Variants in VXN observed in about 807,000 individuals in gnomAD.
VXN encodes vexin, also known as uncharacterized protein C8orf46.
In VXN, 7 loss-of-function variants were observed where a neutral mutation model predicts 23.1. That is an observed-to-expected ratio of 0.30 (90% CI 0.17 to 0.57). The LOEUF is 0.57. Ranked by LOEUF, VXN falls within the 20% of genes least tolerant of loss-of-function variation. VXN has a pLI of 0.91. For synonymous variants in VXN, 120 were observed against 105.8 expected (o/e 1.13, Z -0.83); for missense variants, 238 against 272.6 (o/e 0.87, Z 0.89).
intron 4 of VXN, among the ~76,000 whole-genome samples, chr8:66,512,267 A>G (rs1300626220): frequency 6.6e-6 from 1 of 152,156 alleles, no homozygotes; most frequent in Non-Finnish European, 1.5e-5. Flanking sequence ...GAAAGGGGAA[A>G]AGAGTGGGAA....
At chr8:66,505,661 T>C (rs1807746478) in intron 3 of VXN, 133 bp downstream of exon 3, 1 of 1,133,470 alleles carries the variant, frequency 8.8e-7, no homozygotes, top group Non-Finnish European at 1.2e-6. Flanking sequence ...CAAGCACCTG[T>C]GCTTTCCCAA....
chr8:66,513,877 T>A (rs1399819323), intron 5 of VXN: 9 of 471,088 alleles, frequency 1.9e-5, no homozygotes, highest in Non-Finnish European at 2.2e-5. Flanking sequence ...TTAACGCCAC[T>A]CTTTAGGCTT....
chr8:66,515,778 C>T lies in VXN; in HGVS notation c.441-115C>T, dbSNP rs115986346. ...AGTGACCTTACAGCTACGTGGATCC[C>T]GGTCACTGAGGAGGAGCAGAGGAGA... On this transcript the variant is annotated intron_variant, in intron 5 of 5. Transcript: ENST00000305454. The T allele has an allele frequency of 5.5e-4, 482 of 876,370 alleles. 2 individuals carry two copies. The African/African-American group carries it at 7.3e-3, about 13-fold the overall frequency. The allele number at this position is 876,370 out of a possible 1,614,324, so 54.3% of individuals were successfully genotyped here.
chr8:66,516,305 A>G lies in VXN; in HGVS notation c.*229A>G, dbSNP rs1807895323. The G allele has an allele frequency of 2.7e-6, 1 of 368,608 alleles. No individual in the cohort carries two copies. The highest frequency in any genetic ancestry group is 1.0e-4 in the South Asian group (1 of 9,840). The allele number at this position is 368,608 out of a possible 1,614,324, so 22.8% of individuals were successfully genotyped here. ...TGCTAAAGCCATTGGTCTGAAAGTG[A>G]CTTTGGGAGGTCATAAAGTTTGTAT... On this transcript the variant is annotated 3_prime_UTR_variant, in exon 6 of 6. Transcript: ENST00000305454.
In VXN at chr8:66,493,670, T is replaced by C. The variant is rs1168513303; in HGVS notation, c.22T>C (p.Cys8Arg). 1 of 1,613,512 alleles carries C rather than the reference T, an allele frequency of 6.2e-7. No homozygotes were observed. Among genetic ancestry groups the C allele is most frequent in the South Asian group, 1.1e-5 (1 of 91,042 alleles). The change falls in exon 1 of 6, where the codon TGC becomes CGC. Residue 8 changes from cysteine (C) to arginine (R), a missense_variant. Physicochemically the swap from Cys to Arg is radical, Grantham distance 180. This residue lies in a region of VXN where 15 missense variants were observed against 35.7 expected (regional missense o/e 0.42). Transcript: ENST00000305454. MMHQIYS[C>R]SDENIEVFTT... Reference sequence around the variant, plus strand: ...TGAAATGATGCATCAGATTTACAGCTGCAGTGACGAGAACATAGAAGTTTT... The same window carrying C: ...TGAAATGATGCATCAGATTTACAGCCGCAGTGACGAGAACATAGAAGTTTT...
chr8:66,512,278 C>A (rs571154560), intron 4 of VXN, among the ~76,000 whole-genome samples: 3 of 152,104 alleles, frequency 2.0e-5, no homozygotes, highest in Non-Finnish European at 4.4e-5. Flanking sequence ...AGAGTGGGAA[C>A]AAGTCCTTTC....
At chr8:66,498,909 G>C (rs1807657474) in intron 2 of VXN, 1 of 446,358 alleles carries the variant, frequency 2.2e-6, no homozygotes, top group Admixed American at 2.4e-5. Context: ...CTGCAGAAGA[G>C]AGGGGTTAGG....
intron 2 of VXN, chr8:66,505,168 T>G: frequency 1.4e-6 from 1 of 739,150 alleles, no homozygotes; most frequent in Non-Finnish European, 2.4e-6. Context: ...CATGGCACCA[T>G]TTGGCAGTCT....
intron 2 of VXN, chr8:66,503,367 T>C (rs1191659653): frequency 6.6e-6 from 1 of 152,172 alleles, no homozygotes; most frequent in Non-Finnish European, 1.5e-5. Flanking sequence ...TTCTCTATTA[T>C]CTCCGTCTTC....
chr8:66,503,169 AG>A (rs1807710529), intron 2 of VXN, among the ~76,000 whole-genome samples: 2 of 152,144 alleles, frequency 1.3e-5, no homozygotes. Flanking sequence ...TTCTATATTC[AG>A]GTTTACCAAG....
At chr8:66,511,082 G>A (rs1438941889) in intron 4 of VXN, among the ~76,000 whole-genome samples, 1 of 152,214 alleles carries the variant, frequency 6.6e-6, no homozygotes, top group Non-Finnish European at 1.5e-5. Context: ...CCCACCTGAA[G>A]GAGCTAAGAG....
intron 2 of VXN, among the ~76,000 whole-genome samples, chr8:66,496,746 C>G (rs539107795): frequency 3.9e-5 from 6 of 152,190 alleles, no homozygotes; most frequent in Non-Finnish European, 8.8e-5. Context: ...TTGTTTTATG[C>G]ACACTTTTTT....
intron 2 of VXN, among the ~76,000 whole-genome samples, chr8:66,499,873 A>G (rs1807671720): frequency 6.6e-6 from 1 of 151,954 alleles, no homozygotes; most frequent in Admixed American, 6.6e-5. Context: ...TCTTTTATAT[A>G]CACATTTTTA....
chr8:66,514,286 C>T (rs1308669743), intron 5 of VXN: 1 of 152,308 alleles, frequency 6.6e-6, no homozygotes, highest in African/African-American at 2.4e-5. Context: ...CTCAGATCTG[C>T]TTTCTAGCCT....
chr8:66,505,246 A>C, intron 2 of VXN, 129 bp from the exon 3 acceptor site: 1 of 1,262,702 alleles, frequency 7.9e-7, no homozygotes. Context: ...CCTAGAATTC[A>C]CTGGAATCAC....
intron 3 of VXN, among the ~76,000 whole-genome samples, chr8:66,508,278 C>A (rs746617352): frequency 6.6e-6 from 1 of 152,120 alleles, no homozygotes; most frequent in Non-Finnish European, 1.5e-5. Flanking sequence ...CCTCAAGCCA[C>A]CCTGGCTCCC....
rs927803976 is a variant in VXN, at chr8:66,513,653, C to G, written c.440+16C>G. ...TGATGAGAGGGTAAGTGCTGCGTCT[C>G]TGGCCCCACTGCCTGTGGCCTCCCA... On this transcript the variant is annotated intron_variant, in intron 5 of 5. Coordinates refer to ENST00000305454, the MANE Select transcript of VXN (RefSeq NM_152765.4). 2 of 1,604,396 alleles carry G rather than the reference C, an allele frequency of 1.2e-6. No individual in the cohort carries two copies. The highest frequency in any genetic ancestry group is 2.7e-5 in the African/African-American group (2 of 74,750).
chr8:66,513,437 G>A (rs538999919), intron 4 of VXN, 103 bp from the exon 5 acceptor site: 74 of 924,766 alleles, frequency 8.0e-5, no homozygotes, highest in African/African-American at 2.3e-4. Flanking sequence ...ATGCCCAGGC[G>A]GTGGTGGTTC....
chr8:66,511,648 C>T (rs1428844415), intron 4 of VXN, among the ~76,000 whole-genome samples: 2 of 152,164 alleles, frequency 1.3e-5, no homozygotes, highest in African/African-American at 2.4e-5. Flanking sequence ...ACTGCCTGGC[C>T]CCAGCCCTTA....
Sources: allele counts gnomAD v4.1 joint callset (sites outside exome capture counted in the v4.1 genomes callset), GRCh38; gene constraint gnomAD v4.1.1; regional missense constraint gnomAD v4.1.1; transcripts MANE v1.5; gene names NCBI Gene and HGNC (gene_info 2026-07-23, HGNC 2026-07-21).